USH2A: variants seen among roughly 807,000 people sequenced by gnomAD.
The protein encoded by USH2A is Usher syndrome 2A (autosomal recessive, mild).
USH2A carries 443 observed loss-of-function variants against 538.9 expected under a neutral mutation model. That is an observed-to-expected ratio of 0.82 (90% CI 0.76 to 0.89). USH2A has a LOEUF of 0.89. USH2A is among the 40% of genes least tolerant of loss of function. USH2A has a pLI of 0.00. For missense variants in USH2A, 6,633 were observed against 6,324.8 expected (o/e 1.05, Z -1.65); for synonymous variants, 2,413 against 2,273.5 (o/e 1.06, Z -1.75).
intron 47 of USH2A, among the ~76,000 whole-genome samples, chr1:215,835,351 A>G (rs949037675): frequency 6.6e-6 from 1 of 151,862 alleles, no homozygotes; most frequent in African/African-American, 2.4e-5. Context: ...AACTATGTTC[A>G]GTTTCCTATC....
At chr1:216,299,016 G>A (rs1397499166) in intron 9 of USH2A, among the ~76,000 whole-genome samples, 1 of 151,992 alleles carries the variant, frequency 6.6e-6, no homozygotes, top group Non-Finnish European at 1.5e-5. Context: ...AATTTGTTTT[G>A]TATTTTTAGT....
At chr1:216,200,995 CCCTCCCTCCCTCCCTCCCTT>C (rs1259550571) in intron 16 of USH2A, among the ~76,000 whole-genome samples, 3 of 94,872 alleles carry the variant, frequency 3.2e-5, no homozygotes, top group Admixed American at 2.3e-4. Flanking sequence ...CTCCCTCCCT[CCCTCCCTCCCTCCCTCCCTT>C]CCTTCCTTCC....
Position 215,934,632 on chromosome 1 carries a change from A to G in USH2A, c.7284T>C (p.Ile2428=), listed in dbSNP as rs369711830. Reference sequence around the variant, plus strand: ...TAGACTTACCTCCTGGAGGCATTGCAATTGTTATAGGATCAGTTATCAAGC... The same window carrying G: ...TAGACTTACCTCCTGGAGGCATTGCGATTGTTATAGGATCAGTTATCAAGC... ...QGSLITDPIT[I]AMPPGAPDGV... is the part of the protein sequence containing the mutation. The change falls in exon 38 of 72, where the codon ATT becomes ATC. Residue 2428 remains isoleucine (I), a synonymous_variant. Coordinates refer to ENST00000307340, the MANE Select transcript of USH2A (RefSeq NM_206933.4). 21 of 1,612,174 alleles carry G rather than the reference A, an allele frequency of 1.3e-5. No homozygotes were observed. Among genetic ancestry groups the G allele is most frequent in the Non-Finnish European group, 1.7e-5 (20 of 1,178,768 alleles).
intron 26 of USH2A, 42 bp from the exon 27 acceptor site, chr1:216,078,404 CT>C (rs2031828133): frequency 6.3e-7 from 1 of 1,593,666 alleles, no homozygotes; most frequent in Non-Finnish European, 8.6e-7. Context: ...TATAAAAAGG[CT>C]GCAGAAGGGC....
chr1:215,923,249 CAACA>C (rs555793438), intron 38 of USH2A, among the ~76,000 whole-genome samples: 16 of 151,844 alleles, frequency 1.1e-4, no homozygotes, highest in South Asian at 2.1e-4. Flanking sequence ...TTCCTGTAAT[CAACA>C]AACAAACAAA....
At chr1:215,994,392 T>C (rs1254425768) in intron 34 of USH2A, among the ~76,000 whole-genome samples, 1 of 152,196 alleles carries the variant, frequency 6.6e-6, no homozygotes, top group Non-Finnish European at 1.5e-5. Context: ...TTAGATTTTT[T>C]TTTTAAATAT....
At chr1:215,657,188 C>T (rs1361359851) in intron 64 of USH2A, among the ~76,000 whole-genome samples, 7 of 152,306 alleles carry the variant, frequency 4.6e-5, no homozygotes, top group Non-Finnish European at 7.4e-5. Context: ...AGAAATTATG[C>T]CTCATAAATA....
chr1:215,646,863 T>C (rs960240420), intron 67 of USH2A, among the ~76,000 whole-genome samples: 8 of 152,174 alleles, frequency 5.3e-5, no homozygotes, highest in African/African-American at 1.9e-4. Context: ...CTGTGCCTTT[T>C]CTATGTTTAG....
At chr1:215,709,860 T>C (rs1382838553) in intron 61 of USH2A, among the ~76,000 whole-genome samples, 1 of 152,240 alleles carries the variant, frequency 6.6e-6, no homozygotes, top group Non-Finnish European at 1.5e-5. Context: ...TTACACTGTT[T>C]CATTTATTTT....
At chr1:215,645,904 A>G (rs1656836225) in intron 67 of USH2A, among the ~76,000 whole-genome samples, 1 of 152,120 alleles carries the variant, frequency 6.6e-6, no homozygotes. Flanking sequence ...TTTTTTCATC[A>G]TATTTATTAA....
chr1:215,692,266 T>C (rs1170747780), intron 61 of USH2A, among the ~76,000 whole-genome samples: 1 of 151,994 alleles, frequency 6.6e-6, no homozygotes, highest in African/African-American at 2.4e-5. Context: ...GGAATAGTAA[T>C]ATATTCTTTT....
chr1:216,205,700 T>C (rs2102478438), intron 16 of USH2A, among the ~76,000 whole-genome samples: 1 of 152,276 alleles, frequency 6.6e-6, no homozygotes, highest in African/African-American at 2.4e-5. Flanking sequence ...AAAGTAGAAT[T>C]TGGAAAACTG....
rs1661137697 is a variant in USH2A at position 215,766,696 on chromosome 1, G to C, written c.11032C>G (p.Gln3678Glu). 6.2e-7 allele frequency: 1 copy of C among 1,613,386 alleles called. No individual in the cohort carries two copies. Among genetic ancestry groups the C allele is most frequent in the South Asian group, 1.1e-5 (1 of 91,080 alleles). The change falls in exon 56 of 72, where the codon CAG (glutamine) becomes GAG (glutamate). Residue 3678 changes from glutamine to glutamate, a missense_variant. Gln to Glu is a conservative substitution (Grantham distance 29, BLOSUM62 2). Transcript: ENST00000307340. ...GTTTCATTACCTTCAGGAGCTGCCT[G>C]CAGTGTCTGACCTAGAAAAGGCTCG... ...SSEPFLGQTL[Q>E]AAPEGVWVTP... is the part of the protein sequence containing the mutation.
At chr1:215,811,400 CTT>C (rs1227020627) in intron 49 of USH2A, among the ~76,000 whole-genome samples, 1 of 152,134 alleles carries the variant, frequency 6.6e-6, no homozygotes, top group Admixed American at 6.5e-5. Context: ...TTTTCACACT[CTT>C]TATTCTGAGG....
At chr1:215,760,722 A>T (rs1660956322) in intron 56 of USH2A, among the ~76,000 whole-genome samples, 1 of 152,130 alleles carries the variant, frequency 6.6e-6, no homozygotes, top group Non-Finnish European at 1.5e-5. Context: ...CACCTTTCAT[A>T]CGCCCAAATG....
intron 69 of USH2A, among the ~76,000 whole-genome samples, chr1:215,637,497 C>T (rs1656531987): frequency 6.6e-6 from 1 of 152,182 alleles, no homozygotes; most frequent in Admixed American, 6.5e-5. Context: ...GCAGAGCATT[C>T]CTGGATAAAT....
intron 32 of USH2A, 62 bp downstream of exon 32, chr1:216,046,369 A>C: frequency 6.2e-7 from 1 of 1,600,142 alleles, no homozygotes; most frequent in South Asian, 1.1e-5. Flanking sequence ...AGAGCCAACT[A>C]TATGTATGTT....
intron 21 of USH2A, among the ~76,000 whole-genome samples, chr1:216,106,550 C>T (rs2032739113): frequency 6.6e-6 from 1 of 150,678 alleles, no homozygotes; most frequent in Non-Finnish European, 1.5e-5. Flanking sequence ...CTCTCTCTTC[C>T]TCTCCTTTTC....
intron 34 of USH2A, among the ~76,000 whole-genome samples, chr1:215,996,904 C>A (rs1558201764): frequency 1.3e-5 from 2 of 152,050 alleles, no homozygotes; most frequent in African/African-American, 4.8e-5. Context: ...TGGTTCAAAT[C>A]CCCGTGTAGC....
Sources: gnomAD v4.1 joint callset for allele counts (sites outside exome capture counted in the v4.1 genomes callset) on GRCh38, gnomAD v4.1.1 for gene constraint, MANE v1.5 for transcripts, NCBI Gene and HGNC (gene_info 2026-07-23, HGNC 2026-07-21) for gene names.